KIF26B: variants seen among roughly 807,000 people sequenced by gnomAD.
KIF26B encodes the protein kinesin-like protein KIF26B.
Under a neutral mutation model 151.2 loss-of-function variants are expected in KIF26B, and 63 were observed. The observed-to-expected ratio is 0.42, with a 90% CI of 0.34 to 0.51. KIF26B has a LOEUF of 0.51. Among genes scored for constraint, KIF26B ranks in the 20% least tolerant of loss-of-function variants. The pLI is 0.07. For synonymous variants in KIF26B, 1,357 were observed against 1,262.1 expected (o/e 1.08, Z -1.59); for missense variants, 2,813 against 2,913.6 (o/e 0.97, Z 0.79).
intron 4 of KIF26B, among the ~76,000 whole-genome samples, chr1:245,428,029 T>C (rs1241559043): frequency 6.6e-6 from 1 of 152,168 alleles, no homozygotes; most frequent in Non-Finnish European, 1.5e-5. Context: ...TCAATCCTCC[T>C]TGGATGCAGG....
chr1:245,654,461 C>T (rs548131025), intron 10 of KIF26B, among the ~76,000 whole-genome samples: 2 of 152,248 alleles, frequency 1.3e-5, no homozygotes, highest in East Asian at 3.9e-4. Context: ...GTCTGGGTCC[C>T]GTGTTCTGGG....
chr1:245,413,240 GT>G (rs1411157718), intron 3 of KIF26B, among the ~76,000 whole-genome samples: 1 of 152,300 alleles, frequency 6.6e-6, no homozygotes, highest in East Asian at 1.9e-4. Context: ...GCACTGTAGG[GT>G]TTTCAAACAT....
intron 4 of KIF26B, among the ~76,000 whole-genome samples, chr1:245,448,292 C>T (rs576174958): frequency 2.4e-4 from 36 of 152,322 alleles, no homozygotes; most frequent in South Asian, 8.3e-4. Flanking sequence ...ACTGCAACCT[C>T]CGCCACTCAG....
In KIF26B at chr1:245,183,582, A is replaced by C. The variant is rs1439555231; in HGVS notation, c.465+26899A>C. Among the ~76,000 whole-genome samples the C allele has an allele frequency of 9.2e-5, 14 of 152,204 alleles. No homozygotes were observed. The East Asian group carries it at 2.7e-3, about 29-fold the overall frequency. ...CTTCATTTTCTAACAAAGCATATGT[A>C]GTGGCCGTCACATGCTGGGTAGAAT... On this transcript the variant is annotated intron_variant, in intron 2 of 14. Transcript: ENST00000407071.
intron 3 of KIF26B, among the ~76,000 whole-genome samples, chr1:245,388,344 C>G (rs1476254596): frequency 6.6e-6 from 1 of 152,056 alleles, no homozygotes; most frequent in African/African-American, 2.4e-5. Flanking sequence ...AATATTTTTC[C>G]TTTGATGAAA....
At chr1:245,186,228 G>C (rs1010225320) in intron 2 of KIF26B, among the ~76,000 whole-genome samples, 1 of 151,844 alleles carries the variant, frequency 6.6e-6, no homozygotes, top group Non-Finnish European at 1.5e-5. Context: ...CCAAATAACA[G>C]CCACATCAAC....
chr1:245,168,563 G>A (rs1668653161), intron 2 of KIF26B, among the ~76,000 whole-genome samples: 1 of 152,192 alleles, frequency 6.6e-6, no homozygotes, highest in Admixed American at 6.5e-5. Context: ...TAAAAGTTCT[G>A]CCATATTGAT....
At chr1:245,694,056 C>T (rs2044658067) in intron 12 of KIF26B, among the ~76,000 whole-genome samples, 1 of 152,236 alleles carries the variant, frequency 6.6e-6, no homozygotes, top group Non-Finnish European at 1.5e-5. Context: ...TGAGATGACA[C>T]TGTGGTCCTA....
chr1:245,359,656 TTCCC>T, intron 2 of KIF26B, among the ~76,000 whole-genome samples: 1 of 151,634 alleles, frequency 6.6e-6, no homozygotes, highest in East Asian at 1.9e-4. Context: ...CCTTCATTCC[TTCCC>T]TCCTTCCCTC....
intron 9 of KIF26B, among the ~76,000 whole-genome samples, chr1:245,639,534 C>A (rs535922637): frequency 6.6e-6 from 1 of 151,534 alleles, no homozygotes; most frequent in African/African-American, 2.4e-5. Flanking sequence ...TTTTCCTTTT[C>A]TAGTTCATTG....
At chr1:245,545,300 C>G (rs1251768859) in intron 5 of KIF26B, among the ~76,000 whole-genome samples, 1 of 152,092 alleles carries the variant, frequency 6.6e-6, no homozygotes, top group Non-Finnish European at 1.5e-5. Flanking sequence ...CGGGGTTTCT[C>G]CATCTTGGCG....
intron 4 of KIF26B, among the ~76,000 whole-genome samples, chr1:245,432,256 A>T (rs1332897213): frequency 6.6e-6 from 1 of 152,146 alleles, no homozygotes; most frequent in East Asian, 1.9e-4. Context: ...GAATTTTCCC[A>T]CTCAGTTCAA....
rs952779526 is a variant in KIF26B, at chr1:245,652,302, C to G, written c.2258+6022C>G. ...TATTTAGAAATAAAATAACCAAAGT[C>G]TCAGGTTGCCAGGCAACTGCAGCAA... On this transcript the variant is annotated intron_variant, in intron 10 of 14. Transcript: ENST00000407071. Among the ~76,000 whole-genome samples the G allele has an allele frequency of 7.2e-5, 11 of 152,232 alleles. No homozygotes were observed. In the East Asian group the frequency reaches 2.1e-3, roughly 29 times the overall value.
At chr1:245,600,601 G>A (rs2043386097) in intron 5 of KIF26B, among the ~76,000 whole-genome samples, 1 of 150,894 alleles carries the variant, frequency 6.6e-6, no homozygotes, top group Admixed American at 6.6e-5. Flanking sequence ...TCAATTCCTA[G>A]ATCTCTTCCT....
rs1244082877 is a variant in KIF26B, at chr1:245,340,688, A to G, written c.466-26146A>G. 3.3e-5 allele frequency among the ~76,000 whole-genome samples: 5 copies of G among 152,310 alleles called. 1 individual carries two copies. The highest frequency in any genetic ancestry group is 1.2e-4 in the African/African-American group (5 of 41,554). On this transcript the variant is annotated intron_variant, in intron 2 of 14. Coordinates refer to ENST00000407071, the MANE Select transcript of KIF26B (RefSeq NM_018012.4). ...ACAGGGTCCTGCTTTCATCGGGTTT[A>G]TATTCCAATGAAGATAAGAGGCATT...
intron 5 of KIF26B, among the ~76,000 whole-genome samples, chr1:245,561,747 G>A (rs1456515018): frequency 6.6e-6 from 1 of 152,192 alleles, no homozygotes; most frequent in Non-Finnish European, 1.5e-5. Flanking sequence ...TGTGCATGCT[G>A]CATCTCTGCA....
At chr1:245,158,601 G>A (rs1668484018) in intron 2 of KIF26B, among the ~76,000 whole-genome samples, 4 of 152,200 alleles carry the variant, frequency 2.6e-5, no homozygotes, top group African/African-American at 4.8e-5. Flanking sequence ...GAGAAGACCT[G>A]GCAGTCATGG....
rs1002880307 is a variant in KIF26B at position 245,687,885 on chromosome 1, G to A, written c.4902G>A (p.Pro1634=). 2.5e-6 allele frequency: 4 copies of A among 1,592,358 alleles called. No individual in the cohort carries two copies. The highest frequency in any genetic ancestry group is 2.3e-5 in the South Asian group (2 of 87,372). ...CCCTGAACCAACCAGCCGCCTTCCC[G>A]GCGGGCCTCCCAGACGAGCCTAGCG... ...SSPLNQPAAF[P]AGLPDEPSGK... Residue 1634 remains proline, a synonymous_variant, in exon 12 of 15, where the codon CCG becomes CCA. Transcript: ENST00000407071. This position sits in a 1 kb window ranked among gnomAD's most constrained non-coding sequence, Gnocchi z 4.9.
Position 245,703,137 on chromosome 1 carries a change from C to CTTTT in KIF26B, c.*533_*536dup, listed in dbSNP as rs1288216697. On this transcript the variant is annotated 3_prime_UTR_variant, in exon 15 of 15. Coordinates refer to ENST00000407071, the MANE Select transcript of KIF26B (RefSeq NM_018012.4). ...ACATTTTGGAAATGTATTCACAGCT[C>CTTTT]TTTTTCTCTTGGTGTTTTATCCTAT... 1 of 153,068 alleles carries CTTTT rather than the reference C, an allele frequency of 6.5e-6. No homozygotes were observed. The highest frequency in any genetic ancestry group is 1.5e-5 in the Non-Finnish European group (1 of 68,350). The allele number at this position is 153,068 out of a possible 1,614,324, so 9.5% of individuals were successfully genotyped here.
Sources: allele counts gnomAD v4.1 joint callset (sites outside exome capture counted in the v4.1 genomes callset), GRCh38; gene constraint gnomAD v4.1.1; non-coding constraint Gnocchi (gnomAD v3.1); transcripts MANE v1.5; gene names NCBI Gene and HGNC (gene_info 2026-07-23, HGNC 2026-07-21).